NFATC3: variants seen among roughly 807,000 people sequenced by gnomAD.
NFATC3 encodes nuclear factor of activated T-cells, cytoplasmic 3.
Under a neutral mutation model 98.6 loss-of-function variants are expected in NFATC3, and 46 were observed. That is an observed-to-expected ratio of 0.47 (90% CI 0.37 to 0.60). NFATC3 has a LOEUF of 0.60. NFATC3 is among the 20% of genes least tolerant of loss of function. The probability of loss-of-function intolerance (pLI) is 0.00; values close to 1 mark genes in which losing one functional copy is unlikely to be tolerated. For synonymous variants in NFATC3, 512 were observed against 472.2 expected, an observed-to-expected ratio of 1.08 and a Z score of -1.09; for missense variants, 1,256 against 1,295.5, an observed-to-expected ratio of 0.97 and a Z score of 0.47.
In NFATC3 at chr16:68,122,053, C is replaced by A. The variant is rs2151502201; in HGVS notation, c.170C>A (p.Thr57Asn). The A allele has an allele frequency of 6.2e-7, 1 of 1,613,578 alleles. No individual in the cohort carries two copies. The highest frequency in any genetic ancestry group is 8.5e-7 in the Non-Finnish European group (1 of 1,179,914). ...GTAGATCCACCTCCATCTACTTTAA[C>A]CACACCACTTTGCTTACCACATCAT... ...FNVDPPPSTLTTPLCLPHHGL... is the reference protein window; with the variant it reads ...FNVDPPPSTLNTPLCLPHHGL... The change falls in exon 2 of 10, where the codon ACC becomes AAC. Residue 57 changes from threonine (T) to asparagine (N), a missense_variant. Physicochemically the swap from Thr to Asn is moderately conservative, Grantham distance 65 (BLOSUM62 0). This residue lies in a region of NFATC3 where 464 missense variants were observed against 465.7 expected (regional missense o/e 1.00). Coordinates refer to ENST00000346183, the MANE Select transcript of NFATC3 (RefSeq NM_173165.3).
chr16:68,140,244 G>A (rs1365192309), intron 3 of NFATC3, among the ~76,000 whole-genome samples: 5 of 152,056 alleles, frequency 3.3e-5, no homozygotes, highest in Admixed American at 6.6e-5. Flanking sequence ...CAGGTGACCC[G>A]CCCACGTTGG....
At chr16:68,179,349 T>A (rs2039859345) in intron 6 of NFATC3, among the ~76,000 whole-genome samples, 1 of 152,218 alleles carries the variant, frequency 6.6e-6, no homozygotes. Flanking sequence ...GCATCCTGTC[T>A]CAGTTATCTC....
In NFATC3 at chr16:68,191,294, C is replaced by T. The variant is rs140991156; in HGVS notation, c.2625C>T (p.Thr875=). The part of the protein sequence containing the change: ...LLAHTPHSVH[T]LPHLQSMGYH... ...CCCATACACCTCATTCTGTGCATAC[C>T]CTGCCTCATCTGCAATCAATGGGAT... is the stretch of plus-strand genomic sequence containing the variant. Residue 875 remains threonine, a synonymous_variant, in exon 9 of 10, where the codon ACC becomes ACT. Transcript: ENST00000346183. The T allele has an allele frequency of 2.0e-5, 32 of 1,614,008 alleles. No homozygotes were observed. The African/African-American group carries it at 3.6e-4, about 18-fold the overall frequency.
At chr16:68,137,780 AT>A (rs2037513082) in intron 3 of NFATC3, among the ~76,000 whole-genome samples, 1 of 151,252 alleles carries the variant, frequency 6.6e-6, no homozygotes, top group African/African-American at 2.4e-5. Flanking sequence ...CGCCCAGCTA[AT>A]TTTTTTGTAT....
At chr16:68,092,977 C>T (rs1430031624) in intron 1 of NFATC3, among the ~76,000 whole-genome samples, 2 of 152,140 alleles carry the variant, frequency 1.3e-5, no homozygotes, top group Non-Finnish European at 2.9e-5. Flanking sequence ...GTTTTCTCTT[C>T]GTATTTTCTC....
At chr16:68,154,324 C>T (rs1461638906) in intron 3 of NFATC3, among the ~76,000 whole-genome samples, 1 of 152,054 alleles carries the variant, frequency 6.6e-6, no homozygotes, top group African/African-American at 2.4e-5. Flanking sequence ...TTACGAAAAT[C>T]TCTTTAGGGC....
intron 8 of NFATC3, among the ~76,000 whole-genome samples, chr16:68,187,737 A>T (rs2040264584): frequency 6.6e-6 from 1 of 152,210 alleles, no homozygotes; most frequent in African/African-American, 2.4e-5. Context: ...TCCAGGTTTT[A>T]TATGGGCTTC....
chr16:68,087,535 T>G (rs1430904857), intron 1 of NFATC3, among the ~76,000 whole-genome samples: 1 of 150,672 alleles, frequency 6.6e-6, no homozygotes, highest in East Asian at 1.9e-4. Context: ...AGCAGGTAAT[T>G]TTTTTTAAAG....
At chr16:68,113,619 G>A (rs1056777434) in intron 1 of NFATC3, among the ~76,000 whole-genome samples, 1 of 152,244 alleles carries the variant, frequency 6.6e-6, no homozygotes, top group Non-Finnish European at 1.5e-5. Flanking sequence ...CCTTGGCTGA[G>A]CAGGTTCGGC....
chr16:68,191,241 A>G lies in NFATC3; in HGVS notation c.2572A>G (p.Asn858Asp). 6.2e-7 allele frequency: 1 copy of G among 1,614,144 alleles called. No individual in the cohort carries two copies. Among genetic ancestry groups the G allele is most frequent in the Non-Finnish European group, 8.5e-7 (1 of 1,180,028 alleles). The change falls in exon 9 of 10, where the codon AAT (asparagine) becomes GAT (aspartate). Residue 858 changes from asparagine (N) to aspartate (D), a missense_variant. This residue lies in a region of NFATC3 where 636 missense variants were observed against 617.3 expected (regional missense o/e 1.03). Transcript: ENST00000346183. ...PLSSIPFHSS[N>D]SGSTGHLLAH... ...GTCATCCATACCATTTCATTCTTCA[A>G]ATTCAGGCTCAACAGGACATCTCTT...
intron 3 of NFATC3, among the ~76,000 whole-genome samples, chr16:68,127,454 AG>A (rs2036896442): frequency 6.6e-6 from 1 of 152,156 alleles, no homozygotes; most frequent in Admixed American, 6.5e-5. Context: ...TGTGATGCTG[AG>A]GCAAGTGGAT....
chr16:68,124,101 G>T (rs2036699127), intron 2 of NFATC3, among the ~76,000 whole-genome samples: 1 of 152,046 alleles, frequency 6.6e-6, no homozygotes, highest in African/African-American at 2.4e-5. Flanking sequence ...AGTTGTGCCT[G>T]TTAGGATTTT....
At chr16:68,196,689 C>G (rs1165767818) in intron 9 of NFATC3, among the ~76,000 whole-genome samples, 1 of 151,422 alleles carries the variant, frequency 6.6e-6, no homozygotes, top group East Asian at 2.0e-4. Context: ...GTGAGAGACT[C>G]CATCTCAAAA....
intron 1 of NFATC3, among the ~76,000 whole-genome samples, chr16:68,094,845 C>A (rs988872242): frequency 6.6e-6 from 1 of 152,140 alleles, no homozygotes. Context: ...GAATGAGACA[C>A]GGATGCTGGC....
chr16:68,203,370 G>A (rs567644251), intron 9 of NFATC3, among the ~76,000 whole-genome samples: 4 of 152,074 alleles, frequency 2.6e-5, no homozygotes, highest in African/African-American at 4.8e-5. Context: ...GCTGTGGCTC[G>A]TGTGTAATCC....
chr16:68,131,579 A>G (rs1193070916), intron 3 of NFATC3, among the ~76,000 whole-genome samples: 1 of 152,094 alleles, frequency 6.6e-6, no homozygotes, highest in African/African-American at 2.4e-5. Context: ...TGCCTGGCCA[A>G]CAAAACTTTT....
intron 6 of NFATC3, among the ~76,000 whole-genome samples, chr16:68,174,834 A>G (rs1199893774): frequency 6.6e-6 from 1 of 152,190 alleles, no homozygotes; most frequent in South Asian, 2.1e-4. Flanking sequence ...TGGGCAACAG[A>G]GTGAAACCTT....
At chr16:68,215,643 AAGAATT>A (rs1267217962) in intron 9 of NFATC3, among the ~76,000 whole-genome samples, 1 of 152,136 alleles carries the variant, frequency 6.6e-6, no homozygotes, top group Non-Finnish European at 1.5e-5. Flanking sequence ...CCATGAAAGA[AAGAATT>A]AGATACAGAG....
At chr16:68,100,497 C>T (rs1053243422) in intron 1 of NFATC3, among the ~76,000 whole-genome samples, 1 of 151,984 alleles carries the variant, frequency 6.6e-6, no homozygotes, top group Non-Finnish European at 1.5e-5. Flanking sequence ...TCGCTTGAAC[C>T]CTGGAGGCGG....
Sources: gnomAD v4.1 joint callset for allele counts (sites outside exome capture counted in the v4.1 genomes callset) on GRCh38, gnomAD v4.1.1 for gene constraint, gnomAD v4.1.1 regional missense constraint, MANE v1.5 for transcripts, NCBI Gene and HGNC (gene_info 2026-07-23, HGNC 2026-07-21) for gene names.